The following GTF2E2 variants were observed in gnomAD, a reference collection of about 807,000 sequenced individuals.
The protein encoded by GTF2E2 is transcription initiation factor IIE subunit beta.
A neutral mutation model predicts 40.5 loss-of-function variants in GTF2E2; 21 were observed. The observed-to-expected ratio is 0.52, with a 90% CI of 0.37 to 0.75. GTF2E2 has a LOEUF of 0.75. Ranked by LOEUF, GTF2E2 falls within the 30% of genes least tolerant of loss-of-function variation. GTF2E2 has a pLI of 0.00. For synonymous variants in GTF2E2, 117 were observed against 121.6 expected (o/e 0.96, Z 0.25); for missense variants, 298 against 338.4 (o/e 0.88, Z 0.94).
intron 6 of GTF2E2, among the ~76,000 whole-genome samples, chr8:30,582,950 A>T (rs1001004063): frequency 3.3e-5 from 5 of 152,248 alleles, no homozygotes; most frequent in African/African-American, 1.2e-4. Context: ...AATAGCATCC[A>T]TTGGTAGTGC....
intron 5 of GTF2E2, among the ~76,000 whole-genome samples, chr8:30,608,836 G>A (rs926978175): frequency 2.0e-5 from 3 of 152,176 alleles, no homozygotes; most frequent in Admixed American, 6.5e-5. Context: ...TGCAAGCTCC[G>A]CACGGTGGCT....
intron 2 of GTF2E2, chr8:30,645,383 A>C (rs1563508632): frequency 6.5e-7 from 1 of 1,535,654 alleles, no homozygotes; most frequent in Non-Finnish European, 8.7e-7. Context: ...CAAAAAATTT[A>C]CCCTTTCCAT....
intron 2 of GTF2E2, chr8:30,637,362 T>C (rs1398516011): frequency 6.7e-6 from 3 of 449,452 alleles, no homozygotes; most frequent in South Asian, 4.8e-5. Flanking sequence ...TTATGAGACA[T>C]GATGCTTATG....
chr8:30,653,721 T>C (rs1369803369), intron 1 of GTF2E2, 119 bp from the exon 2 acceptor site: 3 of 673,450 alleles, frequency 4.5e-6, no homozygotes, highest in Non-Finnish European at 5.0e-6. Flanking sequence ...ATTAGTTCTC[T>C]AGCACTTGCA....
chr8:30,655,329 C>G (rs1802418603), intron 1 of GTF2E2, among the ~76,000 whole-genome samples: 1 of 152,136 alleles, frequency 6.6e-6, no homozygotes, highest in African/African-American at 2.4e-5. Flanking sequence ...ACCAGGGAAG[C>G]TACAGGTCAA....
At chr8:30,602,121 G>A (rs555876734) in intron 6 of GTF2E2, among the ~76,000 whole-genome samples, 3 of 151,598 alleles carry the variant, frequency 2.0e-5, no homozygotes, top group African/African-American at 7.3e-5. Context: ...AGGTTCATGC[G>A]ATTCTTGTGT....
intron 6 of GTF2E2, among the ~76,000 whole-genome samples, chr8:30,585,772 TA>T (rs146018850): frequency 0.022 from 1,472 of 67,610 alleles, 19 homozygotes; most frequent in South Asian, 0.05. Flanking sequence ...CTTTGCCCTT[TA>T]AAAAAAAAAA....
chr8:30,587,826 C>T (rs149810272), intron 6 of GTF2E2, among the ~76,000 whole-genome samples: 59 of 147,576 alleles, frequency 4.0e-4, no homozygotes, highest in Non-Finnish European at 6.5e-4. Flanking sequence ...GAGCCAAGAC[C>T]GCACCACTGC....
intron 6 of GTF2E2, among the ~76,000 whole-genome samples, chr8:30,590,308 T>C (rs1828807674): frequency 6.6e-6 from 1 of 152,236 alleles, no homozygotes; most frequent in Admixed American, 6.5e-5. Flanking sequence ...ACTCTAAGTA[T>C]GTGCCACAGT....
chr8:30,580,571 C>T (rs1182437680), intron 6 of GTF2E2, among the ~76,000 whole-genome samples, 175 bp from the exon 7 acceptor site: 1 of 152,170 alleles, frequency 6.6e-6, no homozygotes, highest in Non-Finnish European at 1.5e-5. Context: ...CAGGGAAAGG[C>T]CTGGAGACAG....
chr8:30,641,020 C>T (rs1801803453), intron 2 of GTF2E2, among the ~76,000 whole-genome samples: 1 of 152,056 alleles, frequency 6.6e-6, no homozygotes, highest in South Asian at 2.1e-4. Context: ...CTTAATTATG[C>T]CTAATCCATG....
At chr8:30,650,708 G>A (rs935592660) in intron 2 of GTF2E2, among the ~76,000 whole-genome samples, 1 of 145,554 alleles carries the variant, frequency 6.9e-6, no homozygotes, top group Admixed American at 6.9e-5. Flanking sequence ...AGAGTAAGAC[G>A]CTGTCTCGAA....
chr8:30,647,342 A>G (rs1425773232), intron 2 of GTF2E2, among the ~76,000 whole-genome samples: 2 of 152,178 alleles, frequency 1.3e-5, no homozygotes, highest in East Asian at 3.9e-4. Flanking sequence ...GCAGTTTGCA[A>G]GGCCGAGGCA....
chr8:30,645,459 G>A, intron 2 of GTF2E2: 2 of 1,535,604 alleles, frequency 1.3e-6, no homozygotes, highest in South Asian at 1.2e-5. Context: ...TATCTTTAGT[G>A]GTGCTGGCTT....
At chr8:30,604,334 A>G (rs542617841) in intron 6 of GTF2E2, among the ~76,000 whole-genome samples, 31 of 152,298 alleles carry the variant, frequency 2.0e-4, no homozygotes, top group Admixed American at 4.6e-4. Flanking sequence ...ATTTCACCAT[A>G]TATTAAATAA....
chr8:30,579,086 T>TGGTGTGGCCAGGATGTTCTG, intron 7 of GTF2E2, 49 bp from the exon 8 acceptor site: 1 of 974,276 alleles, frequency 1.0e-6, no homozygotes, highest in Non-Finnish European at 1.7e-6. Context: ...CTCTGAGGGG[T>TGGTGTGGCCAGGATGTTCTG]GGTGTGGCCA....
In GTF2E2 at chr8:30,653,396, GAATA is replaced by G. The variant is rs746157089; in HGVS notation, c.166+33_166+36del. On this transcript the variant is annotated intron_variant, in intron 2 of 7. Coordinates refer to ENST00000355904, the MANE Select transcript of GTF2E2 (RefSeq NM_002095.6). ...TAAACGGTTTCCTCCTGAATAATCT[GAATA>G]AAAACCAAACAGTCCTAAACAATTT... 8.2e-5 allele frequency: 126 copies of G among 1,539,574 alleles called. No individual in the cohort carries two copies. In the African/African-American group the frequency reaches 1.5e-3, roughly 18 times the overall value.
chr8:30,582,436 A>G (rs1828540946), intron 6 of GTF2E2, among the ~76,000 whole-genome samples: 1 of 151,496 alleles, frequency 6.6e-6, no homozygotes, highest in Non-Finnish European at 1.5e-5. Context: ...AGCTTCCCCT[A>G]ATGTTAACAC....
chr8:30,645,991 T>C (rs1446243064), intron 2 of GTF2E2: 1 of 158,998 alleles, frequency 6.3e-6, no homozygotes, highest in Admixed American at 6.3e-5. Flanking sequence ...ATTTAAAACA[T>C]GTTTCTAAGT....
Sources: gnomAD v4.1 joint callset for allele counts (sites outside exome capture counted in the v4.1 genomes callset) on GRCh38, gnomAD v4.1.1 for gene constraint, MANE v1.5 for transcripts, NCBI Gene and HGNC (gene_info 2026-07-23, HGNC 2026-07-21) for gene names.